FGF2: variants seen among roughly 807,000 people sequenced by gnomAD.
FGF2 encodes the protein basic fibroblast growth factor bFGF.
Under a neutral mutation model 15.9 loss-of-function variants are expected in FGF2, and 13 were observed. That is an observed-to-expected ratio of 0.82 (90% confidence interval 0.53 to 1.30). FGF2 has a LOEUF of 1.30. Ranked by LOEUF, FGF2 falls within the 50% of genes most tolerant of loss-of-function variation. The pLI is 0.00. For missense variants in FGF2, 163 were observed against 196.9 expected, an observed-to-expected ratio of 0.83 and a Z score of 1.03; for synonymous variants, 90 against 78.4, an observed-to-expected ratio of 1.15 and a Z score of -0.78.
intron 1 of FGF2, among the ~76,000 whole-genome samples, chr4:122,839,326 C>T (rs1223879358): frequency 2.0e-5 from 3 of 151,968 alleles, no homozygotes; most frequent in East Asian, 1.9e-4. Flanking sequence ...CAGAAAAAAT[C>T]GAGGGTATCT....
intron 1 of FGF2, among the ~76,000 whole-genome samples, chr4:122,865,277 T>TTTTTG (rs1553948884): frequency 1.3e-5 from 2 of 151,630 alleles, no homozygotes; most frequent in Non-Finnish European, 2.9e-5. Flanking sequence ...CTCTGTTTTT[T>TTTTTG]TTTGTTTGTT....
intron 1 of FGF2, among the ~76,000 whole-genome samples, chr4:122,838,020 A>C (rs1725900478): frequency 6.6e-6 from 1 of 152,198 alleles, no homozygotes; most frequent in South Asian, 2.1e-4. Context: ...TGGGAGTATA[A>C]TTGAAGTGAG....
chr4:122,885,070 G>C (rs1019789492), intron 2 of FGF2, among the ~76,000 whole-genome samples: 3 of 152,194 alleles, frequency 2.0e-5, no homozygotes, highest in Non-Finnish European at 2.9e-5. Context: ...AGTTTGGATA[G>C]TCAACTCTTG....
Position 122,827,204 on chromosome 4 carries a change from C to G in FGF2, c.30C>G (p.Pro10=), listed in dbSNP as rs1237270155. 5.6e-6 allele frequency: 9 copies of G among 1,607,130 alleles called. No homozygotes were observed. Among genetic ancestry groups the G allele is most frequent in the South Asian group, 1.1e-5 (1 of 90,346 alleles). MAAGSITTL[P]ALPEDGGSGA... ...CAGCCGGGAGCATCACCACGCTGCC[C>G]GCCTTGCCCGAGGATGGCGGCAGCG... is the stretch of plus-strand genomic sequence containing the variant. The change falls in exon 1 of 3, where the codon CCC becomes CCG. Residue 10 remains proline (P), a synonymous_variant. Transcript: ENST00000644866. This position sits in a 1 kb window ranked among gnomAD's most constrained non-coding sequence, Gnocchi z 4.2.
At chr4:122,876,813 T>G (rs980436509) in intron 2 of FGF2, among the ~76,000 whole-genome samples, 9 of 152,248 alleles carry the variant, frequency 5.9e-5, no homozygotes, top group Admixed American at 3.9e-4. Flanking sequence ...CTTTAGAATG[T>G]GACGTACAAA....
chr4:122,871,299 A>T (rs575784178), intron 1 of FGF2, among the ~76,000 whole-genome samples: 2 of 152,066 alleles, frequency 1.3e-5, no homozygotes, highest in African/African-American at 2.4e-5. Flanking sequence ...TATTCTATTG[A>T]TTTGGGGTAG....
rs1452194295 is a variant in FGF2 at position 122,895,487 on chromosome 4, C to T, written c.*3091C>T. 2.0e-5 allele frequency: 3 copies of T among 151,996 alleles called. No homozygotes were observed. Among genetic ancestry groups the T allele is most frequent in the Admixed American group, 6.6e-5 (1 of 15,254 alleles). The allele number at this position is 151,996 out of a possible 1,614,324, so 9.4% of individuals were successfully genotyped here. On this transcript the variant is annotated 3_prime_UTR_variant, in exon 3 of 3. Transcript: ENST00000644866. ...AATAATCTGCAGAATGTGGGTTTTC[C>T]TGGTGTTTCCCTCTGACTCTAGTGC...
At chr4:122,837,734 T>C (rs1191918512) in intron 1 of FGF2, among the ~76,000 whole-genome samples, 1 of 152,056 alleles carries the variant, frequency 6.6e-6, no homozygotes, top group Non-Finnish European at 1.5e-5. Flanking sequence ...GAGAAAAAGG[T>C]CCCTTTGATT....
At chr4:122,868,976 G>C (rs188770618) in intron 1 of FGF2, among the ~76,000 whole-genome samples, 1,801 of 152,070 alleles carry the variant, frequency 0.012, 40 homozygotes, top group African/African-American at 0.04. Flanking sequence ...TTTTTTTCTT[G>C]TAAATTTGTT....
intron 1 of FGF2, among the ~76,000 whole-genome samples, chr4:122,830,785 G>GTATTCAAT (rs1214629474): frequency 4.2e-5 from 5 of 119,382 alleles, no homozygotes; most frequent in African/African-American, 1.3e-4. Flanking sequence ...TGTACACTTA[G>GTATTCAAT]TATTCAATTT....
chr4:122,876,206 C>A (rs951457574), intron 1 of FGF2, 115 bp from the exon 2 acceptor site: 5 of 733,260 alleles, frequency 6.8e-6, no homozygotes, highest in Non-Finnish European at 1.2e-5. Context: ...CTCACCAATC[C>A]TCCAAAGTGG....
intron 1 of FGF2, 44 bp from the exon 2 acceptor site, chr4:122,876,277 T>G (rs1472297948): frequency 1.7e-6 from 2 of 1,143,066 alleles, no homozygotes; most frequent in African/African-American, 3.0e-5. Context: ...AAGAAGGCTC[T>G]TTCCTCTGTG....
intron 1 of FGF2, among the ~76,000 whole-genome samples, chr4:122,846,085 G>A (rs308422): frequency 0.14 from 21,321 of 152,150 alleles, 2,059 homozygotes; most frequent in African/African-American, 0.26. Flanking sequence ...ATATTGTTGT[G>A]TCTTAGGGAA....
rs1727238934 is a variant in FGF2 at position 122,893,139 on chromosome 4, T to C, written c.*743T>C. The C allele has an allele frequency of 6.2e-7, 1 of 1,614,198 alleles. No homozygotes were observed. The highest frequency in any genetic ancestry group is 8.5e-7 in the Non-Finnish European group (1 of 1,180,034). On this transcript the variant is annotated 3_prime_UTR_variant, in exon 3 of 3. Coordinates refer to ENST00000644866, the MANE Select transcript of FGF2 (RefSeq NM_001361665.2). ...TCTGACTTCCCAAAAGCTCCAGGAT[T>C]TGTGTGCTGTTGCCGAATACTCAGG...
rs1727411124 is a variant in FGF2 at position 122,897,849 on chromosome 4, T to C, written c.*5453T>C. Reference sequence around the variant, plus strand: ...CCTTTCTCCCTCGTTTCTTCTTTTTTTGGGGGAGCTGGTAACTGATGAAAT... The same window carrying C: ...CCTTTCTCCCTCGTTTCTTCTTTTTCTGGGGGAGCTGGTAACTGATGAAAT... On this transcript the variant is annotated 3_prime_UTR_variant, in exon 3 of 3. Coordinates refer to ENST00000644866, the MANE Select transcript of FGF2 (RefSeq NM_001361665.2). The C allele has an allele frequency of 6.7e-6, 4 of 593,752 alleles. No individual in the cohort carries two copies. Among genetic ancestry groups the C allele is most frequent in the Middle Eastern group, 4.5e-4 (1 of 2,246 alleles). 36.8% of individuals were successfully genotyped at this position (593,752 alleles called of 1,614,324 possible).
intron 1 of FGF2, among the ~76,000 whole-genome samples, chr4:122,853,235 C>G (rs552382743): frequency 5.9e-5 from 9 of 152,292 alleles, no homozygotes; most frequent in Non-Finnish European, 1.2e-4. Context: ...GAAGTTGAGG[C>G]TGCAGTGAGC....
intron 2 of FGF2, among the ~76,000 whole-genome samples, chr4:122,887,390 T>C (rs1424215737): frequency 6.6e-6 from 1 of 152,154 alleles, no homozygotes; most frequent in Non-Finnish European, 1.5e-5. Flanking sequence ...AATCCATCAA[T>C]AACAAATGAA....
At chr4:122,883,293 A>G (rs892732549) in intron 2 of FGF2, 6 of 152,228 alleles carry the variant, frequency 3.9e-5, no homozygotes, top group Non-Finnish European at 5.9e-5. Context: ...TAGGTTGATT[A>G]CCAATTAGAG....
At chr4:122,829,047 TC>T (rs1429455359) in intron 1 of FGF2, among the ~76,000 whole-genome samples, 6 of 139,104 alleles carry the variant, frequency 4.3e-5, no homozygotes, top group Admixed American at 3.5e-4. Context: ...CCCCTAATAC[TC>T]TTTTTTTTTC....
Sources: allele counts gnomAD v4.1 joint callset (sites outside exome capture counted in the v4.1 genomes callset), GRCh38; gene constraint gnomAD v4.1.1; non-coding constraint Gnocchi (gnomAD v3.1); transcripts MANE v1.5; gene names NCBI Gene and HGNC (gene_info 2026-07-23, HGNC 2026-07-21).